Variants in KLC4 observed in about 807,000 individuals in gnomAD.
KLC4 encodes kinesin-like protein 8.
In KLC4, 49 loss-of-function variants were observed where a neutral mutation model predicts 77.2. That is an observed-to-expected ratio of 0.63 (90% CI 0.50 to 0.80). KLC4 has a LOEUF of 0.80. Ranked by LOEUF, KLC4 falls within the 30% of genes least tolerant of loss-of-function variation. The pLI is 0.00. For missense variants in KLC4, 669 were observed against 793.5 expected, an observed-to-expected ratio of 0.84 and a Z score of 1.89; for synonymous variants, 274 against 314.5, an observed-to-expected ratio of 0.87 and a Z score of 1.36.
intron 1 of KLC4, chr6:43,060,094 C>T (rs1365767336): frequency 8.4e-6 from 13 of 1,545,794 alleles, no homozygotes; most frequent in African/African-American, 1.4e-5. Context: ...TCCTTGCGAC[C>T]CGGCAGCCGT....
In KLC4 at chr6:43,070,405, T is replaced by TA; in HGVS notation, c.932dup (p.Tyr311Ter). Reference sequence around the variant, plus strand: ...TGTGCTCTATGGCAAAAGGGGCAAGTACAAGGAGGCAGAGCCTCTGTGCCA... The same window carrying TA: ...TGTGCTCTATGGCAAAAGGGGCAAGTAACAAGGAGGCAGAGCCTCTGTGCCA... The part of the protein sequence containing the change: ...LAVLYGKRGK[Y>*]KEAEPLCQRA... The change falls in exon 7 of 16, where the codon TAC becomes TAAC. Residue 311 changes from tyrosine (Y) to a stop codon, truncating the protein, a stop_gained and frameshift_variant. Coordinates refer to ENST00000347162, the MANE Select transcript of KLC4 (RefSeq NM_201521.3). LOFTEE classifies it high-confidence loss of function. 6.2e-7 allele frequency: 1 copy of TA among 1,614,160 alleles called. No homozygotes were observed. The highest frequency in any genetic ancestry group is 8.5e-7 in the Non-Finnish European group (1 of 1,179,994).
At chr6:43,064,178 G>A (rs1222833459) in intron 3 of KLC4, among the ~76,000 whole-genome samples, 2 of 152,218 alleles carry the variant, frequency 1.3e-5, no homozygotes, top group African/African-American at 4.8e-5. Context: ...TAGGGAACAA[G>A]TCTTATCCAG....
chr6:43,070,538 C>A, intron 7 of KLC4, 83 bp downstream of exon 7: 1 of 1,354,440 alleles, frequency 7.4e-7, no homozygotes, highest in Non-Finnish European at 1.0e-6. Flanking sequence ...TCCTCCTTCA[C>A]TTTTTTTTTC....
chr6:43,066,099 A>G (rs1238211664), intron 4 of KLC4, among the ~76,000 whole-genome samples: 1 of 152,224 alleles, frequency 6.6e-6, no homozygotes, highest in Non-Finnish European at 1.5e-5. Context: ...TGTTTGTTGA[A>G]TGCATGAATT....
At chr6:43,074,446 C>T (rs1176558513) in intron 15 of KLC4, 176 bp from the exon 16 acceptor site, 2 of 615,038 alleles carry the variant, frequency 3.3e-6, no homozygotes, top group African/African-American at 1.8e-5. Flanking sequence ...TTGTGGCCTT[C>T]TGGAAAACCC....
At chr6:43,063,784 CCT>C (rs1475307980) in intron 3 of KLC4, among the ~76,000 whole-genome samples, 1 of 151,818 alleles carries the variant, frequency 6.6e-6, no homozygotes, top group East Asian at 1.9e-4. Context: ...GAACTCCTGA[CCT>C]CAGGTGGTCT....
At chr6:43,061,136 G>C (rs1421006672) in intron 1 of KLC4, 175 bp from the exon 2 acceptor site, 43 of 647,830 alleles carry the variant, frequency 6.6e-5, no homozygotes, top group Non-Finnish European at 9.6e-5. Context: ...CACAACCTTA[G>C]CTTTGAGTTT....
At position 43,070,879 on chromosome 6, in the gene KLC4, G is replaced by C. The variant is rs374224009; in HGVS notation, c.1155+14G>C. On this transcript the variant is annotated intron_variant, in intron 8 of 15. Transcript: ENST00000347162. ...AAGAACAACCTGGTATGGGAGGAGG[G>C]ACAAAGTAGGTGGAAGAAACGGAGA... The C allele has an allele frequency of 4.3e-5, 52 of 1,205,086 alleles. No homozygotes were observed. Among genetic ancestry groups the C allele is most frequent in the Middle Eastern group, 2.5e-4 (1 of 3,952 alleles). 74.6% of individuals were successfully genotyped at this position (1,205,086 alleles called of 1,614,324 possible).
intron 6 of KLC4, among the ~76,000 whole-genome samples, chr6:43,069,309 A>G (rs117987007): frequency 0.022 from 3,347 of 152,242 alleles, 56 homozygotes; most frequent in Non-Finnish European, 0.034. Context: ...CAGTGGTACA[A>G]TCTGGGTTCA....
intron 4 of KLC4, among the ~76,000 whole-genome samples, 169 bp downstream of exon 4, chr6:43,065,870 G>A (rs768298224): frequency 6.6e-5 from 10 of 152,216 alleles, no homozygotes; most frequent in Non-Finnish European, 1.3e-4. Context: ...CCTCCCCATT[G>A]AACGAACATG....
rs768351597 is a variant in KLC4 at position 43,070,707 on chromosome 6, C to T, written c.997C>T (p.His333Tyr). ...TCCCTTTCAGGTCCTGGGCACGAAT[C>T]ATCCAGATGTGGCAAAACAGCTGAA... ...EIREKVLGTN[H>Y]PDVAKQLNNL... is the part of the protein sequence containing the mutation. The change falls in exon 8 of 16, where the codon CAT becomes TAT. Residue 333 changes from histidine to tyrosine, a missense_variant. By Grantham distance (83) the His-to-Tyr change is moderately conservative (BLOSUM62 2). Transcript: ENST00000347162. 1 of 1,612,632 alleles carries T rather than the reference C, an allele frequency of 6.2e-7. No homozygotes were observed. Among genetic ancestry groups the T allele is most frequent in the South Asian group, 1.1e-5 (1 of 91,052 alleles).
At position 43,072,127 on chromosome 6, in the gene KLC4, TGG is replaced by T. The variant is rs546944263; in HGVS notation, c.1380-19_1380-18del. ...CTGAACTCATTCTCTCTTCCTTCTC[TGG>T]TCTCTTTCTCACCACAGCCCCACAG... On this transcript the variant is annotated intron_variant, in intron 11 of 15. Transcript: ENST00000347162. 447 of 1,589,886 alleles carry T rather than the reference TGG, an allele frequency of 2.8e-4. No homozygotes were observed. In the African/African-American group the frequency reaches 5.5e-3, roughly 20 times the overall value.
At chr6:43,065,582 G>T in intron 3 of KLC4, 38 bp from the exon 4 acceptor site, 1 of 1,414,994 alleles carries the variant, frequency 7.1e-7, no homozygotes, top group South Asian at 1.2e-5. Context: ...ACTAGGTAGG[G>T]ATATCTTGGC....
At chr6:43,060,680 G>C in intron 1 of KLC4, 4 of 1,025,998 alleles carry the variant, frequency 3.9e-6, no homozygotes, top group Non-Finnish European at 4.8e-6. Context: ...TGGGGGGTGG[G>C]AAGTATGGGT....
intron 6 of KLC4, among the ~76,000 whole-genome samples, chr6:43,069,678 G>A (rs980239762): frequency 3.9e-5 from 6 of 152,076 alleles, no homozygotes; most frequent in African/African-American, 1.4e-4. Context: ...AGCCTCCCGA[G>A]TAGCTGGGAT....
intron 12 of KLC4, among the ~76,000 whole-genome samples, chr6:43,072,554 G>A (rs979569058): frequency 2.6e-5 from 4 of 152,174 alleles, no homozygotes; most frequent in Admixed American, 2.0e-4. Flanking sequence ...AGGTTGGGGA[G>A]AGCCTAAATC....
intron 5 of KLC4, 73 bp downstream of exon 5, chr6:43,066,598 T>A (rs1765446571): frequency 7.2e-7 from 1 of 1,387,630 alleles, no homozygotes; most frequent in Non-Finnish European, 1.0e-6. Flanking sequence ...GGCTTTCATT[T>A]TTCCTCTTTA....
intron 3 of KLC4, among the ~76,000 whole-genome samples, chr6:43,065,034 A>G (rs1215196012): frequency 6.6e-6 from 1 of 152,150 alleles, no homozygotes; most frequent in East Asian, 1.9e-4. Context: ...TACAAGAGTT[A>G]AGGCAAGATT....
At chr6:43,071,001 C>A in intron 8 of KLC4, 136 bp downstream of exon 8, 1 of 840,882 alleles carries the variant, frequency 1.2e-6, no homozygotes, top group Non-Finnish European at 1.8e-6. Context: ...CTCTCATCAA[C>A]TTTGTGCTCA....
Sources: gnomAD v4.1 joint callset for allele counts (sites outside exome capture counted in the v4.1 genomes callset) on GRCh38, gnomAD v4.1.1 for gene constraint, MANE v1.5 for transcripts, NCBI Gene and HGNC (gene_info 2026-07-23, HGNC 2026-07-21) for gene names.